ZNF385D: variants seen among roughly 807,000 people sequenced by gnomAD.
ZNF385D encodes zinc finger protein 659.
A neutral mutation model predicts 35.8 loss-of-function variants in ZNF385D; 15 were observed. That is an observed-to-expected ratio of 0.42 (90% CI 0.28 to 0.64). ZNF385D has a LOEUF of 0.64. Ranked by LOEUF, ZNF385D falls within the 30% of genes least tolerant of loss-of-function variation. The pLI is 0.23. For synonymous variants in ZNF385D, 212 were observed against 186.8 expected, an observed-to-expected ratio of 1.13 and a Z score of -1.10; for missense variants, 474 against 494.6, an observed-to-expected ratio of 0.96 and a Z score of 0.39.
upstream of ZNF385D, among the ~76,000 whole-genome samples, chr3:21,752,894 C>T (rs1475990079): frequency 6.6e-6 from 1 of 152,088 alleles, no homozygotes; most frequent in African/African-American, 2.4e-5. Context: ...GGCAAAAGAA[C>T]CATCTGTGGT....
chr3:21,578,522 A>AG (rs766580418), intron 2 of ZNF385D, among the ~76,000 whole-genome samples: 1 of 152,154 alleles, frequency 6.6e-6, no homozygotes, highest in Non-Finnish European at 1.5e-5. Flanking sequence ...GGGGAGAGAT[A>AG]GGGGGTCTAG....
intron 3 of ZNF385D, among the ~76,000 whole-genome samples, chr3:21,840,214 T>C (rs2630797): frequency 0.84 from 127,575 of 151,996 alleles, 53,962 homozygotes; most frequent in African/African-American, 0.94. Context: ...AAAAGTAGTA[T>C]GTAAGTATTA....
chr3:22,133,522 T>A (rs1309879256), intron 3 of ZNF385D: 1 of 152,076 alleles, frequency 6.6e-6, no homozygotes, highest in African/African-American at 2.4e-5. Flanking sequence ...ATAAGAATGA[T>A]TAAATTTCAT....
chr3:22,127,821 GTTGTTTCTGT>G (rs1703526248), intron 3 of ZNF385D, among the ~76,000 whole-genome samples: 1 of 152,020 alleles, frequency 6.6e-6, no homozygotes, highest in South Asian at 2.1e-4. Context: ...TTAACTTTTT[GTTGTTTCTGT>G]TTATATCATA....
At chr3:22,126,880 T>C (rs1240147342) in intron 3 of ZNF385D, among the ~76,000 whole-genome samples, 1 of 152,170 alleles carries the variant, frequency 6.6e-6, no homozygotes, top group Non-Finnish European at 1.5e-5. Flanking sequence ...ACAGTTATAA[T>C]TGGTATATCA....
intron 2 of ZNF385D, among the ~76,000 whole-genome samples, chr3:22,186,920 T>C (rs1235074965): frequency 6.6e-6 from 1 of 152,170 alleles, no homozygotes; most frequent in Non-Finnish European, 1.5e-5. Flanking sequence ...ACTACAAATC[T>C]AATTCACTTA....
intron 4 of ZNF385D, among the ~76,000 whole-genome samples, chr3:21,481,290 C>T (rs1003038631): frequency 6.6e-6 from 1 of 152,200 alleles, no homozygotes; most frequent in East Asian, 1.9e-4. Flanking sequence ...ATTCTTAATA[C>T]ATAAATGCAG....
intron 1 of ZNF385D, among the ~76,000 whole-genome samples, chr3:21,683,294 G>A (rs2066975835): frequency 6.7e-6 from 1 of 149,598 alleles, no homozygotes; most frequent in Admixed American, 6.7e-5. Flanking sequence ...TTAATTTTGT[G>A]GATATTACTT....
intron 3 of ZNF385D, among the ~76,000 whole-genome samples, chr3:22,158,875 A>ATC (rs1705764741): frequency 6.6e-6 from 1 of 152,072 alleles, no homozygotes; most frequent in South Asian, 2.1e-4. Flanking sequence ...GCATACAAGA[A>ATC]TCTCACCTTT....
At chr3:22,167,315 C>G (rs1706398962) in intron 3 of ZNF385D, among the ~76,000 whole-genome samples, 1 of 152,172 alleles carries the variant, frequency 6.6e-6, no homozygotes. Flanking sequence ...TGCACACTCA[C>G]AAATATATCA....
At chr3:21,930,767 T>C (rs1274307445) in intron 3 of ZNF385D, among the ~76,000 whole-genome samples, 2 of 152,086 alleles carry the variant, frequency 1.3e-5, no homozygotes, top group South Asian at 2.1e-4. Flanking sequence ...GATGCCCATA[T>C]GCAAAAACAT....
intron 2 of ZNF385D, among the ~76,000 whole-genome samples, chr3:21,622,682 A>G (rs548826165): frequency 1.6e-4 from 25 of 152,202 alleles, no homozygotes; most frequent in Admixed American, 3.9e-4. Flanking sequence ...TAGTTCAAGA[A>G]GTCTTATTTT....
intron 3 of ZNF385D, among the ~76,000 whole-genome samples, chr3:22,093,154 C>T (rs955489019): frequency 1.3e-5 from 2 of 151,888 alleles, no homozygotes; most frequent in Admixed American, 6.6e-5. Flanking sequence ...GTTAGAAAAA[C>T]ACCCTGAGGA....
chr3:22,131,291 G>T (rs996287230), intron 3 of ZNF385D, among the ~76,000 whole-genome samples: 3 of 152,024 alleles, frequency 2.0e-5, no homozygotes, highest in African/African-American at 4.8e-5. Flanking sequence ...GGATTTAGCA[G>T]CATGAAGTCA....
chr3:22,328,530 C>G (rs1694779066), intron 2 of ZNF385D, among the ~76,000 whole-genome samples: 1 of 151,940 alleles, frequency 6.6e-6, no homozygotes, highest in Non-Finnish European at 1.5e-5. Flanking sequence ...TTTGGGAGGC[C>G]GAGGCTGGCA....
At chr3:21,544,075 A>G (rs1334120441) in intron 3 of ZNF385D, among the ~76,000 whole-genome samples, 1 of 152,198 alleles carries the variant, frequency 6.6e-6, no homozygotes, top group African/African-American at 2.4e-5. Flanking sequence ...ACTTGGATCT[A>G]ATATTTTTTA....
At chr3:21,745,402 T>A (rs1345783513) in intron 1 of ZNF385D, among the ~76,000 whole-genome samples, 2 of 152,186 alleles carry the variant, frequency 1.3e-5, no homozygotes, top group Non-Finnish European at 2.9e-5. Flanking sequence ...ATACCTTCCG[T>A]TTCAAGGGCT....
intron 1 of ZNF385D, among the ~76,000 whole-genome samples, chr3:21,709,260 C>A (rs964895176): frequency 2.0e-5 from 3 of 152,172 alleles, no homozygotes; most frequent in Non-Finnish European, 4.4e-5. Context: ...TTTGATGAAG[C>A]AGTGTACTCA....
intron 3 of ZNF385D, among the ~76,000 whole-genome samples, chr3:21,796,473 G>C (rs2072156878): frequency 1.3e-5 from 2 of 152,122 alleles, no homozygotes; most frequent in Non-Finnish European, 2.9e-5. Context: ...GGCAAGGCTA[G>C]TTCAAAATTT....
Sources: allele counts gnomAD v4.1 joint callset (sites outside exome capture counted in the v4.1 genomes callset), GRCh38; gene constraint gnomAD v4.1.1; transcripts MANE v1.5; gene names NCBI Gene and HGNC (gene_info 2026-07-23, HGNC 2026-07-21).